The following CTSZ variants were observed in gnomAD, a reference collection of about 807,000 sequenced individuals.
The protein encoded by CTSZ is carboxypeptidase LB.
CTSZ carries 39 observed loss-of-function variants against 32.4 expected under a neutral mutation model. The ratio of observed to expected loss-of-function variants is 1.20; its 90% CI spans 0.93 to 1.57. The LOEUF is 1.57. Among genes scored for constraint, CTSZ ranks in the 40% most tolerant of loss-of-function variants. CTSZ has a pLI of 0.00. For missense variants in CTSZ, 397 were observed against 419.6 expected (o/e 0.95, Z 0.47); for synonymous variants, 168 against 170.1 (o/e 0.99, Z 0.10).
intron 5 of CTSZ, 127 bp from the exon 6 acceptor site, chr20:58,995,886 C>T: frequency 1.4e-6 from 1 of 712,184 alleles, no homozygotes; most frequent in Non-Finnish European, 2.4e-6. Flanking sequence ...TCCAGACAGC[C>T]CACTCAGCTG....
intron 2 of CTSZ, 121 bp from the exon 3 acceptor site, chr20:59,001,765 C>T: frequency 1.0e-6 from 1 of 969,648 alleles, no homozygotes; most frequent in Non-Finnish European, 1.5e-6. Context: ...TCAGCTCTGC[C>T]CAGCTGCCTG....
rs760699500 is a variant in CTSZ, at chr20:59,006,418, C to T, written c.211G>A (p.Val71Met). The T allele has an allele frequency of 1.2e-6, 2 of 1,613,930 alleles. No homozygotes were observed. Among genetic ancestry groups the T allele is most frequent in the Non-Finnish European group, 8.5e-7 (1 of 1,180,042 alleles). The change falls in exon 2 of 6, where the codon GTG becomes ATG. Residue 71 changes from valine to methionine, a missense_variant. Physicochemically the swap from Val to Met is conservative, Grantham distance 21. Transcript: ENST00000217131. ...DLPKSWDWRN[V>M]DGVNYASITR... ...ATGCTGGCATAGTTGACACCATCCA[C>T]ATTGCGCCAGTCCCAGCTCTTGGGC...
intron 3 of CTSZ, among the ~76,000 whole-genome samples, chr20:58,999,602 C>T (rs1200203179): frequency 1.3e-5 from 2 of 152,328 alleles, no homozygotes; most frequent in East Asian, 1.9e-4. Flanking sequence ...GGCAAGGGAG[C>T]CCCGTTGGCA....
At chr20:58,997,176 A>G (rs2091865008) in intron 4 of CTSZ, among the ~76,000 whole-genome samples, 1 of 151,936 alleles carries the variant, frequency 6.6e-6, no homozygotes, top group African/African-American at 2.4e-5. Context: ...AAAAAAAAAA[A>G]AAAAAAAATC....
intron 3 of CTSZ, among the ~76,000 whole-genome samples, chr20:58,998,141 A>G (rs1263355395): frequency 6.6e-6 from 1 of 152,134 alleles, no homozygotes; most frequent in Non-Finnish European, 1.5e-5. Flanking sequence ...ATAGGCCAAT[A>G]CTTTGGGTAA....
At chr20:58,998,489 T>C (rs2091871674) in intron 3 of CTSZ, among the ~76,000 whole-genome samples, 2 of 149,178 alleles carry the variant, frequency 1.3e-5, no homozygotes, top group South Asian at 2.1e-4. Context: ...GAGGTTGCAG[T>C]GAGCCAGGAT....
At chr20:58,997,480 C>T (rs1032728744) in intron 4 of CTSZ, 123 bp downstream of exon 4, 3 of 960,022 alleles carry the variant, frequency 3.1e-6, no homozygotes, top group Non-Finnish European at 2.9e-6. Context: ...CCTACATGAG[C>T]ACCGACATGA....
chr20:59,004,497 G>T lies in CTSZ; in HGVS notation c.307+1825C>A, dbSNP rs1167269735. Among the ~76,000 whole-genome samples, 1 of 152,106 alleles carries T rather than the reference G, an allele frequency of 6.6e-6. No individual in the cohort carries two copies. Among genetic ancestry groups the T allele is most frequent in the East Asian group, 1.9e-4 (1 of 5,180 alleles). The stretch of plus-strand genomic sequence containing the variant: ...AGAGGTGGGACTGAGGCTGGAGTGG[G>T]TTCAAGGGTAGAGAAGAGGAAGTGG... On this transcript the variant is annotated intron_variant, in intron 2 of 5. Coordinates refer to ENST00000217131, the MANE Select transcript of CTSZ (RefSeq NM_001336.4). This position sits in a 1 kb window ranked among gnomAD's most constrained non-coding sequence, Gnocchi z 5.6.
chr20:59,002,700 CAG>C lies in CTSZ; in HGVS notation c.308-1058_308-1057del, dbSNP rs1390738119. Among the ~76,000 whole-genome samples the C allele has an allele frequency of 6.6e-6, 1 of 152,168 alleles. No homozygotes were observed. The highest frequency in any genetic ancestry group is 2.4e-5 in the African/African-American group (1 of 41,434). On this transcript the variant is annotated intron_variant, in intron 2 of 5. Coordinates refer to ENST00000217131, the MANE Select transcript of CTSZ (RefSeq NM_001336.4). This position sits in a 1 kb window ranked among gnomAD's most constrained non-coding sequence, Gnocchi z 4.1. Reference sequence around the variant, plus strand: ...CACGCATCACTGAAAAGTCCCAAAGCAGACCTCCATCCTGCCGCCACCCAGCC... The same window carrying C: ...CACGCATCACTGAAAAGTCCCAAAGCACCTCCATCCTGCCGCCACCCAGCC...
At chr20:59,006,276 G>C in intron 2 of CTSZ, 46 bp downstream of exon 2, 2 of 1,539,134 alleles carry the variant, frequency 1.3e-6, no homozygotes, top group Non-Finnish European at 1.8e-6. Flanking sequence ...TAAACAGGCA[G>C]CCGGGATGGG....
intron 2 of CTSZ, among the ~76,000 whole-genome samples, chr20:59,003,938 G>C (rs2146365575): frequency 6.6e-6 from 1 of 152,344 alleles, no homozygotes; most frequent in East Asian, 1.9e-4. Flanking sequence ...CTCAGGGGCA[G>C]AGGCCAGGAG....
At chr20:59,006,099 A>T in intron 2 of CTSZ, 2 of 548,826 alleles carry the variant, frequency 3.6e-6, no homozygotes, top group Non-Finnish European at 6.4e-6. Context: ...TGTCACTGGG[A>T]TTCAGTCCTA....
Position 58,995,762 on chromosome 20 carries a change from G to C in CTSZ, c.802-3C>G. ...ATCCTCAGCCAGCCTCTCTCGCCCTGTGAGAAGTGGGATCGCGCGTCAGCC... is the reference window on the plus strand; with the variant it reads ...ATCCTCAGCCAGCCTCTCTCGCCCTCTGAGAAGTGGGATCGCGCGTCAGCC... On this transcript the variant is annotated splice_region_variant and splice_polypyrimidine_tract_variant and intron_variant, in intron 5 of 5. Transcript: ENST00000217131. 9.3e-6 allele frequency: 15 copies of C among 1,613,634 alleles called. No homozygotes were observed. The highest frequency in any genetic ancestry group is 1.3e-5 in the Non-Finnish European group (15 of 1,179,672).
At chr20:58,998,187 C>T (rs533895742) in intron 3 of CTSZ, among the ~76,000 whole-genome samples, 169 of 151,550 alleles carry the variant, frequency 1.1e-3, no homozygotes, top group African/African-American at 4.0e-3. Flanking sequence ...TCTGTGCCCA[C>T]GCTGAGGGGA....
chr20:59,002,673 T>G lies in CTSZ; in HGVS notation c.308-1029A>C, dbSNP rs969729668. Among the ~76,000 whole-genome samples the G allele has an allele frequency of 6.6e-6, 1 of 152,094 alleles. No homozygotes were observed. Among genetic ancestry groups the G allele is most frequent in the Non-Finnish European group, 1.5e-5 (1 of 68,004 alleles). On this transcript the variant is annotated intron_variant, in intron 2 of 5. Coordinates refer to ENST00000217131, the MANE Select transcript of CTSZ (RefSeq NM_001336.4). This position sits in a 1 kb window ranked among gnomAD's most constrained non-coding sequence, Gnocchi z 4.1. Reference sequence around the variant, plus strand: ...CTGGAACTGTCCCTGCTCTGGTGACTTCACGCATCACTGAAAAGTCCCAAA... The same window carrying G: ...CTGGAACTGTCCCTGCTCTGGTGACGTCACGCATCACTGAAAAGTCCCAAA...
intron 5 of CTSZ, 66 bp from the exon 6 acceptor site, chr20:58,995,825 G>A: frequency 1.5e-6 from 2 of 1,370,068 alleles, no homozygotes; most frequent in South Asian, 1.2e-5. Context: ...GCTGCCGTCA[G>A]CCCCCTGCCC....
At chr20:59,003,905 G>A (rs749024786) in intron 2 of CTSZ, among the ~76,000 whole-genome samples, 3 of 152,196 alleles carry the variant, frequency 2.0e-5, no homozygotes, top group Admixed American at 6.5e-5. Context: ...TGTTCTGATG[G>A]GTTGTCACAG....
intron 2 of CTSZ, among the ~76,000 whole-genome samples, chr20:59,005,664 C>T (rs1399054986): frequency 6.6e-6 from 1 of 152,180 alleles, no homozygotes; most frequent in East Asian, 1.9e-4. Flanking sequence ...GCTCCTGGAC[C>T]CTGTGCTGTG....
chr20:59,006,555 G>A lies in CTSZ; in HGVS notation c.144-70C>T. Reference sequence around the variant, plus strand: ...GGGGCCGTGGGCCCAGGAAGCCCTCGGTAGGGCCCTCCCGCCTTTCCCAAC... The same window carrying A: ...GGGGCCGTGGGCCCAGGAAGCCCTCAGTAGGGCCCTCCCGCCTTTCCCAAC... On this transcript the variant is annotated intron_variant, in intron 1 of 5. Coordinates refer to ENST00000217131, the MANE Select transcript of CTSZ (RefSeq NM_001336.4). 3 of 1,496,548 alleles carry A rather than the reference G, an allele frequency of 2.0e-6. No homozygotes were observed. In the South Asian group the frequency reaches 3.7e-5, roughly 18 times the overall value. 92.7% of individuals were successfully genotyped at this position (1,496,548 alleles called of 1,614,324 possible).
Sources: gnomAD v4.1 joint callset for allele counts (sites outside exome capture counted in the v4.1 genomes callset) on GRCh38, gnomAD v4.1.1 for gene constraint, Gnocchi (gnomAD v3.1) non-coding constraint, MANE v1.5 for transcripts, NCBI Gene and HGNC (gene_info 2026-07-23, HGNC 2026-07-21) for gene names.